GIPC2: variants seen among roughly 807,000 people sequenced by gnomAD.
GIPC2 encodes PDZ domain-containing protein GIPC2.
In GIPC2, 30 loss-of-function variants were observed where a neutral mutation model predicts 30.6. The ratio of observed to expected loss-of-function variants is 0.98; its 90% CI spans 0.73 to 1.33. The LOEUF (loss-of-function observed/expected upper bound fraction) is 1.33. Among genes scored for constraint, GIPC2 ranks in the 40% most tolerant of loss-of-function variants. The pLI, the probability that GIPC2 is intolerant of heterozygous loss-of-function variation, is 0.00. For missense variants in GIPC2, 414 were observed against 390.3 expected, an observed-to-expected ratio of 1.06 and a Z score of -0.51; for synonymous variants, 167 against 150.0, an observed-to-expected ratio of 1.11 and a Z score of -0.83.
intron 3 of GIPC2, among the ~76,000 whole-genome samples, chr1:78,107,847 AAAAAAAAAAAGAG>A (rs1425344699): frequency 1.3e-5 from 2 of 149,660 alleles, no homozygotes; most frequent in Non-Finnish European, 3.0e-5. Context: ...AAAAAAAAAA[AAAAAAAAAAAGAG>A]CTAGCATTCT....
chr1:78,124,115 T>C (rs1662737214), intron 4 of GIPC2, among the ~76,000 whole-genome samples: 1 of 152,236 alleles, frequency 6.6e-6, no homozygotes, highest in Non-Finnish European at 1.5e-5. Flanking sequence ...GCATGTATAG[T>C]TGAGTAGTTA....
At chr1:78,082,140 T>C (rs1661842755) in intron 2 of GIPC2, among the ~76,000 whole-genome samples, 1 of 152,166 alleles carries the variant, frequency 6.6e-6, no homozygotes, top group Non-Finnish European at 1.5e-5. Flanking sequence ...TTTCCAACCT[T>C]ATTTTACAGA....
At chr1:78,129,896 T>C (rs1430786177) in intron 5 of GIPC2, among the ~76,000 whole-genome samples, 4 of 152,186 alleles carry the variant, frequency 2.6e-5, no homozygotes, top group Non-Finnish European at 5.9e-5. Context: ...TTCAAATTTA[T>C]TGAGATCCTG....
At chr1:78,130,205 C>T (rs74933226) in intron 5 of GIPC2, among the ~76,000 whole-genome samples, 2 of 150,846 alleles carry the variant, frequency 1.3e-5, no homozygotes, top group African/African-American at 2.4e-5. Flanking sequence ...CGGGTTCAAG[C>T]GATTCTCCTG....
rs1445477542 is a variant in GIPC2 at position 78,111,390 on chromosome 1, A to G, written c.608-8003A>G. On this transcript the variant is annotated intron_variant, in intron 3 of 5. Transcript: ENST00000370759. ...GTGCCCTGTGAGGGGCTGGGCTTAC[A>G]CTCATCCACTTTAGAGGACCTCAGA... is the stretch of plus-strand genomic sequence containing the variant. Among the ~76,000 whole-genome samples, 4 of 152,024 alleles carry G rather than the reference A, an allele frequency of 2.6e-5. No homozygotes were observed. In the East Asian group the frequency reaches 7.7e-4, roughly 29 times the overall value.
At chr1:78,058,398 G>A (rs1345047938) in intron 1 of GIPC2, among the ~76,000 whole-genome samples, 3 of 152,160 alleles carry the variant, frequency 2.0e-5, no homozygotes, top group African/African-American at 4.8e-5. Context: ...TTACCAAATA[G>A]ACAACCATCT....
chr1:78,094,998 T>C lies in GIPC2; in HGVS notation c.473T>C (p.Val158Ala), dbSNP rs761795470. 3 of 1,605,552 alleles carry C rather than the reference T, an allele frequency of 1.9e-6. No individual in the cohort carries two copies. Among genetic ancestry groups the C allele is most frequent in the Non-Finnish European group, 2.6e-6 (3 of 1,172,356 alleles). ...GVIDSVKTIC[V>A]GDHIESINGE... ...ATTGACTCAGTTAAAACAATCTGTG[T>C]TGGGGATCATATTGAATCCATAAAT... is the stretch of plus-strand genomic sequence containing the variant. Residue 158 changes from valine to alanine, a missense_variant, in exon 3 of 6, where the codon GTT becomes GCT. Coordinates refer to ENST00000370759, the MANE Select transcript of GIPC2 (RefSeq NM_017655.6).
At chr1:78,067,919 G>A (rs1002563171) in intron 1 of GIPC2, among the ~76,000 whole-genome samples, 6 of 152,140 alleles carry the variant, frequency 3.9e-5, no homozygotes, top group African/African-American at 1.2e-4. Flanking sequence ...CGGACTCTCT[G>A]TGGATGGTCC....
In GIPC2 at chr1:78,137,174, A is replaced by AGCTTATAGAAT. The variant is rs1380500266; in HGVS notation, c.*1432_*1442dup. On this transcript the variant is annotated 3_prime_UTR_variant, in exon 6 of 6. Coordinates refer to ENST00000370759, the MANE Select transcript of GIPC2 (RefSeq NM_017655.6). ...TTAGTCATTAATGTGTAACAAAAGT[A>AGCTTATAGAAT]GCTTATAGAATATGGACTGCCTTAT... The AGCTTATAGAAT allele has an allele frequency of 2.6e-5, 4 of 152,284 alleles. No individual in the cohort carries two copies. The highest frequency in any genetic ancestry group is 2.6e-4 in the Admixed American group (4 of 15,294). 9.4% of individuals were successfully genotyped at this position (152,284 alleles called of 1,614,324 possible). A position where few individuals can be genotyped will look rare whatever the true frequency, so the allele number is the denominator to read the frequency against.
chr1:78,047,946 A>T (rs1319320822), intron 1 of GIPC2, among the ~76,000 whole-genome samples: 1 of 152,258 alleles, frequency 6.6e-6, no homozygotes, highest in Non-Finnish European at 1.5e-5. Flanking sequence ...TAGCATACTT[A>T]ACTGACAACT....
chr1:78,058,257 G>A (rs904454409), intron 1 of GIPC2, among the ~76,000 whole-genome samples: 1 of 152,114 alleles, frequency 6.6e-6, no homozygotes, highest in African/African-American at 2.4e-5. Context: ...ATCACAAAAG[G>A]TTGTCGTGAG....
intron 1 of GIPC2, among the ~76,000 whole-genome samples, chr1:78,057,714 G>A (rs942510928): frequency 2.6e-5 from 4 of 152,194 alleles, no homozygotes; most frequent in African/African-American, 9.7e-5. Context: ...ATTTAGGCAT[G>A]TTCAATCTTA....
intron 4 of GIPC2, among the ~76,000 whole-genome samples, chr1:78,124,396 T>C (rs759134395): frequency 6.6e-6 from 1 of 152,212 alleles, no homozygotes. Flanking sequence ...ATTAATATGG[T>C]AATACATGTG....
chr1:78,046,920 C>A (rs1164998686), intron 1 of GIPC2, among the ~76,000 whole-genome samples: 2 of 152,172 alleles, frequency 1.3e-5, no homozygotes, highest in African/African-American at 4.8e-5. Context: ...CACCAGAAAC[C>A]CTTTGGTGGT....
At chr1:78,066,472 G>T (rs1337153237) in intron 1 of GIPC2, among the ~76,000 whole-genome samples, 1 of 152,184 alleles carries the variant, frequency 6.6e-6, no homozygotes, top group Non-Finnish European at 1.5e-5. Context: ...GGAAGACAGG[G>T]TGGTGATTCC....
intron 1 of GIPC2, among the ~76,000 whole-genome samples, chr1:78,051,218 T>C (rs1367912594): frequency 1.3e-5 from 2 of 152,094 alleles, no homozygotes; most frequent in Admixed American, 1.3e-4. Context: ...TCATCATTAT[T>C]GATCCTTGGA....
chr1:78,085,273 A>T (rs1661906217), intron 2 of GIPC2, among the ~76,000 whole-genome samples: 1 of 152,160 alleles, frequency 6.6e-6, no homozygotes, highest in Non-Finnish European at 1.5e-5. Flanking sequence ...CATCCTGGGG[A>T]TGAAGCCTAC....
chr1:78,048,252 A>G (rs1362251178), intron 1 of GIPC2, among the ~76,000 whole-genome samples: 2 of 152,162 alleles, frequency 1.3e-5, no homozygotes, highest in Non-Finnish European at 2.9e-5. Flanking sequence ...AGCTCAAGGT[A>G]CATGATTTTA....
At chr1:78,051,509 T>C (rs1273617649) in intron 1 of GIPC2, among the ~76,000 whole-genome samples, 2 of 149,556 alleles carry the variant, frequency 1.3e-5, no homozygotes, top group African/African-American at 4.9e-5. Flanking sequence ...AGTGTTATTC[T>C]TTTTTTTTTG....
Sources: allele counts gnomAD v4.1 joint callset (sites outside exome capture counted in the v4.1 genomes callset), GRCh38; gene constraint gnomAD v4.1.1; transcripts MANE v1.5; gene names NCBI Gene and HGNC (gene_info 2026-07-23, HGNC 2026-07-21).